The following DMXL2 variants were observed in gnomAD, a reference collection of about 807,000 sequenced individuals.
DMXL2 encodes dmX-like protein 2.
In DMXL2, 103 loss-of-function variants were observed where a neutral mutation model predicts 331.1. The ratio of observed to expected loss-of-function variants is 0.31; its 90% CI spans 0.27 to 0.37. DMXL2 has a LOEUF of 0.37. Among genes scored for constraint, DMXL2 ranks in the 10% least tolerant of loss-of-function variants. The probability of loss-of-function intolerance (pLI) is 1.00; values close to 1 mark genes in which losing one functional copy is unlikely to be tolerated. For synonymous variants in DMXL2, 1,281 were observed against 1,252.1 expected, an observed-to-expected ratio of 1.02 and a Z score of -0.49; for missense variants, 3,171 against 3,642.9, an observed-to-expected ratio of 0.87 and a Z score of 3.33.
rs750764524 is a variant in DMXL2, at chr15:51,500,235, A to G, written c.2993-4T>C. The stretch of plus-strand genomic sequence containing the variant: ...ATTGAAGAAGAACTCAGATGGCCTT[A>G]AAAAAGAAAAAGCAAATAGTTAGTT... On this transcript the variant is annotated splice_polypyrimidine_tract_variant and splice_region_variant and intron_variant, in intron 17 of 43. Transcript: ENST00000560891. 6.3e-7 allele frequency: 1 copy of G among 1,575,576 alleles called. No homozygotes were observed. Among genetic ancestry groups the G allele is most frequent in the South Asian group, 1.2e-5 (1 of 84,546 alleles).
rs559850617 is a variant in DMXL2 at position 51,573,349 on chromosome 15, T to C, written c.213+2707A>G. On this transcript the variant is annotated intron_variant, in intron 2 of 43. Transcript: ENST00000560891. ...GACCCACCAATCCCATTACTGGGTA[T>C]ATACCCAAAGGATTATAAATCATTC... 1.1e-4 allele frequency among the ~76,000 whole-genome samples: 17 copies of C among 152,340 alleles called. No homozygotes were observed. In the South Asian group the frequency reaches 3.5e-3, roughly 32 times the overall value.
rs1192600157 is a variant in DMXL2 at position 51,622,572 on chromosome 15, C to G, written c.-27G>C. ...TCCGGAGCCCGGGCTGGACAGAATG[C>G]GCGGGAGGTGCGACAAGCTCCGCGC... On this transcript the variant is annotated 5_prime_UTR_variant, in exon 1 of 44. Coordinates refer to ENST00000560891, the MANE Select transcript of DMXL2 (RefSeq NM_001378457.1). The G allele has an allele frequency of 2.6e-6, 4 of 1,539,280 alleles. No individual in the cohort carries two copies. The highest frequency in any genetic ancestry group is 3.5e-6 in the Non-Finnish European group (4 of 1,140,182).
At position 51,605,656 on chromosome 15, in the gene DMXL2, G is replaced by A. The variant is rs1226719035; in HGVS notation, c.87+16803C>T. Among the ~76,000 whole-genome samples, 6 of 89,220 alleles carry A rather than the reference G, an allele frequency of 6.7e-5. 3 individuals are homozygous for A. The highest frequency in any genetic ancestry group is 6.7e-4 in the East Asian group (2 of 3,006). The allele number at this position is 89,220 out of a possible 152,430, so 58.5% of individuals were successfully genotyped here. ...CTTCCCGGGTTCACGCCATTCTCCC[G>A]CCTCAGCCTCCCCAGTAGCTGGGAC... On this transcript the variant is annotated intron_variant, in intron 1 of 43. Coordinates refer to ENST00000560891, the MANE Select transcript of DMXL2 (RefSeq NM_001378457.1).
intron 11 of DMXL2, 80 bp from the exon 12 acceptor site, chr15:51,536,942 A>C: frequency 1.7e-6 from 2 of 1,204,684 alleles, no homozygotes; most frequent in Non-Finnish European, 2.3e-6. Flanking sequence ...AAAATACCAA[A>C]TCTCAGCTTC....
At chr15:51,473,949 G>C (rs531699434) in intron 28 of DMXL2, among the ~76,000 whole-genome samples, 17 of 151,678 alleles carry the variant, frequency 1.1e-4, no homozygotes, top group Admixed American at 9.2e-4. Context: ...TAAAGATTTT[G>C]AACACTTACT....
chr15:51,465,965 A>C (rs898571009), intron 30 of DMXL2, among the ~76,000 whole-genome samples: 1 of 152,202 alleles, frequency 6.6e-6, no homozygotes, highest in African/African-American at 2.4e-5. Context: ...TCCTCACTAA[A>C]GATGCTTGTG....
intron 38 of DMXL2, 21 bp from the exon 39 acceptor site, chr15:51,456,214 C>G: frequency 6.2e-7 from 1 of 1,604,964 alleles, no homozygotes; most frequent in Non-Finnish European, 8.5e-7. Flanking sequence ...AGAGAAAAAG[C>G]AGGAAATAAG....
chr15:51,618,648 G>A (rs2054439621), intron 1 of DMXL2, among the ~76,000 whole-genome samples: 1 of 152,118 alleles, frequency 6.6e-6, no homozygotes, highest in Non-Finnish European at 1.5e-5. Context: ...CATTCTAAGA[G>A]TGTCTGTTAT....
chr15:51,460,069 A>G, intron 33 of DMXL2: 2 of 941,798 alleles, frequency 2.1e-6, no homozygotes, highest in Non-Finnish European at 2.5e-6. Context: ...CTAAACATAG[A>G]TTCAAAATAT....
At chr15:51,601,106 G>A (rs1040808523) in intron 1 of DMXL2, among the ~76,000 whole-genome samples, 5 of 151,910 alleles carry the variant, frequency 3.3e-5, no homozygotes, top group Non-Finnish European at 5.9e-5. Flanking sequence ...CCTGGCTAAC[G>A]TGGTGAAACC....
At chr15:51,534,495 A>T (rs1362476169) in intron 13 of DMXL2, among the ~76,000 whole-genome samples, 8 of 152,256 alleles carry the variant, frequency 5.3e-5, no homozygotes, top group Admixed American at 3.3e-4. Flanking sequence ...ATTCAAGGAT[A>T]GAATGAGCTG....
At position 51,542,506 on chromosome 15, in the gene DMXL2, G is replaced by A; in HGVS notation, c.932C>T (p.Thr311Ile). The A allele has an allele frequency of 3.1e-6, 5 of 1,605,400 alleles. No homozygotes were observed. The highest frequency in any genetic ancestry group is 4.3e-6 in the Non-Finnish European group (5 of 1,174,376). The change falls in exon 9 of 44, where the codon ACA (threonine) becomes ATA (isoleucine). Residue 311 changes from threonine (T) to isoleucine (I), a missense_variant and splice_region_variant. Thr to Ile is a moderately conservative substitution (Grantham distance 89, BLOSUM62 -1). Transcript: ENST00000560891. ...HKDRIQHALE[T>I]IHHLKNLRKG... ...CCTTAAATTTTTCAAATGGTGTATT[G>A]TCTAAAATAGAAAAATAGTTGCTGA...
intron 5 of DMXL2, among the ~76,000 whole-genome samples, chr15:51,563,729 G>C (rs1041859559): frequency 6.6e-6 from 1 of 151,978 alleles, no homozygotes; most frequent in Non-Finnish European, 1.5e-5. Context: ...CATGTTAAAA[G>C]CTGAGCTTAT....
At chr15:51,453,724 C>A (rs760503397) in intron 40 of DMXL2, 83 bp from the exon 41 acceptor site, 14 of 1,097,144 alleles carry the variant, frequency 1.3e-5, no homozygotes, top group Non-Finnish European at 1.8e-5. Flanking sequence ...CTGCTAATAA[C>A]ATACTATATG....
chr15:51,529,813 C>T (rs1409734602), intron 13 of DMXL2, among the ~76,000 whole-genome samples: 1 of 152,130 alleles, frequency 6.6e-6, no homozygotes, highest in Non-Finnish European at 1.5e-5. Context: ...AAAAAGAACA[C>T]TACAGGTCAA....
Position 51,448,542 on chromosome 15 carries a change from C to T in DMXL2, c.*442G>A, listed in dbSNP as rs948408328. 4.4e-5 allele frequency: 9 copies of T among 203,504 alleles called. No homozygotes were observed. Among genetic ancestry groups the T allele is most frequent in the African/African-American group, 1.7e-4 (7 of 40,416 alleles). The allele number at this position is 203,504 out of a possible 1,614,324, so 12.6% of individuals were successfully genotyped here. A position where few individuals can be genotyped will look rare whatever the true frequency, so the allele number is the denominator to read the frequency against. ...TAAGAAAGTTTTCCAGGTGGTCTAGCGCTCCTAACAAACACCTTATGATTA... is the reference window on the plus strand; with the variant it reads ...TAAGAAAGTTTTCCAGGTGGTCTAGTGCTCCTAACAAACACCTTATGATTA... On this transcript the variant is annotated 3_prime_UTR_variant, in exon 44 of 44. Transcript: ENST00000560891.
At chr15:51,490,564 C>G (rs1320741670) in intron 20 of DMXL2, among the ~76,000 whole-genome samples, 1 of 152,204 alleles carries the variant, frequency 6.6e-6, no homozygotes, top group Non-Finnish European at 1.5e-5. Flanking sequence ...CTAAATCTAA[C>G]ATTTATAAAT....
At chr15:51,558,455 T>C (rs12441167) in intron 6 of DMXL2, among the ~76,000 whole-genome samples, 71,762 of 152,020 alleles carry the variant, frequency 0.47, 17,344 homozygotes, top group Non-Finnish European at 0.52. Flanking sequence ...CAAAGTAGTA[T>C]TGGCAGTACA....
At chr15:51,552,746 T>C (rs946514616) in intron 6 of DMXL2, among the ~76,000 whole-genome samples, 1 of 152,212 alleles carries the variant, frequency 6.6e-6, no homozygotes, top group African/African-American at 2.4e-5. Flanking sequence ...TCTTCTCTAA[T>C]ACACACGTTC....
Sources: allele counts gnomAD v4.1 joint callset (sites outside exome capture counted in the v4.1 genomes callset), GRCh38; gene constraint gnomAD v4.1.1; transcripts MANE v1.5; gene names NCBI Gene and HGNC (gene_info 2026-07-23, HGNC 2026-07-21).